The following THSD7A variants were observed in gnomAD, a reference collection of about 807,000 sequenced individuals.
THSD7A encodes the protein thrombospondin type 1 domain containing 7A.
In THSD7A, 96 loss-of-function variants were observed where a neutral mutation model predicts 231.3. That is an observed-to-expected ratio of 0.41 (90% CI 0.35 to 0.49). THSD7A has a LOEUF of 0.49. THSD7A is among the 20% of genes least tolerant of loss of function. The probability of loss-of-function intolerance (pLI) is 0.05; values close to 1 mark genes in which losing one functional copy is unlikely to be tolerated. For synonymous variants in THSD7A, 940 were observed against 743.3 expected (o/e 1.26, Z -4.30); for missense variants, 2,290 against 2,070.2 (o/e 1.11, Z -2.06).
intron 6 of THSD7A, among the ~76,000 whole-genome samples, chr7:11,524,722 T>A (rs1459566663): frequency 6.6e-6 from 1 of 152,122 alleles, no homozygotes; most frequent in East Asian, 1.9e-4. Context: ...ACCAGAATAA[T>A]GGGAACCATT....
intron 4 of THSD7A, among the ~76,000 whole-genome samples, chr7:11,563,756 C>T (rs1790177872): frequency 1.3e-5 from 2 of 152,132 alleles, no homozygotes. Flanking sequence ...AGTTCATTTT[C>T]TATATCATAA....
chr7:11,624,438 C>T (rs1781415332), intron 2 of THSD7A, among the ~76,000 whole-genome samples: 1 of 152,098 alleles, frequency 6.6e-6, no homozygotes, highest in Admixed American at 6.6e-5. Flanking sequence ...TCAAGTCATA[C>T]CAGCATCTTG....
intron 1 of THSD7A, among the ~76,000 whole-genome samples, chr7:11,781,855 C>T (rs1783641537): frequency 6.6e-6 from 1 of 152,106 alleles, no homozygotes; most frequent in Non-Finnish European, 1.5e-5. Context: ...GAAAAAAGTG[C>T]ATTTTTTTTC....
At chr7:11,524,940 G>A (rs1181631311) in intron 6 of THSD7A, among the ~76,000 whole-genome samples, 1 of 152,192 alleles carries the variant, frequency 6.6e-6, no homozygotes, top group Non-Finnish European at 1.5e-5. Context: ...ATTTTCAAAA[G>A]AAACAGCAGG....
At chr7:11,602,498 T>C (rs1455623416) in intron 2 of THSD7A, among the ~76,000 whole-genome samples, 1 of 152,218 alleles carries the variant, frequency 6.6e-6, no homozygotes, top group East Asian at 1.9e-4. Flanking sequence ...TAGGTTACTA[T>C]GGTGAATTTC....
rs1336441714 is a variant in THSD7A, at chr7:11,634,536, C to G, written c.1022+1594G>C. Among the ~76,000 whole-genome samples the G allele has an allele frequency of 2.0e-5, 3 of 151,788 alleles. No individual in the cohort carries two copies. The highest frequency in any genetic ancestry group is 7.3e-5 in the African/African-American group (3 of 41,320). Reference sequence around the variant, plus strand: ...AGAAAATCACCAGAATAAGGATAGTCAGAAAAGAACAAAATAGGAATTGAG... The same window carrying G: ...AGAAAATCACCAGAATAAGGATAGTGAGAAAAGAACAAAATAGGAATTGAG... On this transcript the variant is annotated intron_variant, in intron 2 of 27. Transcript: ENST00000423059. The surrounding 1 kb of genome is among the most constrained non-coding windows in gnomAD (Gnocchi z 4.1).
chr7:11,797,660 C>A (rs561075049), intron 1 of THSD7A, among the ~76,000 whole-genome samples: 2 of 151,908 alleles, frequency 1.3e-5, no homozygotes, highest in Admixed American at 1.3e-4. Context: ...CTTAAGCAAT[C>A]CTCCCACCTC....
intron 1 of THSD7A, among the ~76,000 whole-genome samples, chr7:11,754,888 C>T (rs753429554): frequency 2.0e-5 from 3 of 149,002 alleles, no homozygotes; most frequent in African/African-American, 7.4e-5. Context: ...GACACTGACA[C>T]CAACAACACA....
intron 2 of THSD7A, among the ~76,000 whole-genome samples, chr7:11,610,157 CACCTAAAACTGTGA>C (rs1780874210): frequency 6.6e-6 from 1 of 151,920 alleles, no homozygotes; most frequent in African/African-American, 2.4e-5. Context: ...CTCTGGAAGC[CACCTAAAACTGTGA>C]ACCTAAAACT....
chr7:11,729,561 A>T (rs1224070761), intron 1 of THSD7A, among the ~76,000 whole-genome samples: 1 of 151,860 alleles, frequency 6.6e-6, no homozygotes, highest in Non-Finnish European at 1.5e-5. Context: ...TATACTCTGT[A>T]ATAATAGTGG....
At position 11,474,718 on chromosome 7, in the gene THSD7A, A is replaced by T. The variant is rs1296382509; in HGVS notation, c.2018-150T>A. 1 of 632,028 alleles carries T rather than the reference A, an allele frequency of 1.6e-6. No homozygotes were observed. Among genetic ancestry groups the T allele is most frequent in the East Asian group, 2.8e-5 (1 of 35,728 alleles). The allele number at this position is 632,028 out of a possible 1,614,324, so 39.2% of individuals were successfully genotyped here. ...TAAATACACGCAATATTTATGTGAGATGCTTCAAGGGATACCTACAGGGGT... is the reference window on the plus strand; with the variant it reads ...TAAATACACGCAATATTTATGTGAGTTGCTTCAAGGGATACCTACAGGGGT... On this transcript the variant is annotated intron_variant, in intron 7 of 27. Transcript: ENST00000423059. The surrounding 1 kb of genome is among the most constrained non-coding windows in gnomAD (Gnocchi z 4.1).
chr7:11,554,642 T>G (rs1177441558), intron 4 of THSD7A, among the ~76,000 whole-genome samples: 1 of 152,038 alleles, frequency 6.6e-6, no homozygotes, highest in African/African-American at 2.4e-5. Context: ...AAACTGCATT[T>G]GGTCTTATAT....
intron 11 of THSD7A, among the ~76,000 whole-genome samples, chr7:11,448,509 G>T (rs957370746): frequency 6.6e-6 from 1 of 152,092 alleles, no homozygotes; most frequent in East Asian, 1.9e-4. Context: ...AACTGCCGCT[G>T]ATCTCTGCCC....
intron 1 of THSD7A, among the ~76,000 whole-genome samples, chr7:11,695,884 T>C (rs1780377612): frequency 1.3e-5 from 2 of 151,498 alleles, no homozygotes; most frequent in Non-Finnish European, 3.0e-5. Context: ...AATAAAAGAT[T>C]GAAGCGGACG....
rs576570653 is a variant in THSD7A, at chr7:11,402,093, A to G, written c.4238-125T>C. 192 of 710,710 alleles carry G rather than the reference A, an allele frequency of 2.7e-4. No individual in the cohort carries two copies. The African/African-American group carries it at 2.8e-3, about 10-fold the overall frequency. The allele number at this position is 710,710 out of a possible 1,614,324, so 44.0% of individuals were successfully genotyped here. On this transcript the variant is annotated intron_variant, in intron 22 of 27. Coordinates refer to ENST00000423059, the MANE Select transcript of THSD7A (RefSeq NM_015204.3). The stretch of plus-strand genomic sequence containing the variant: ...CCCAGGCACACATAATATTTATAAG[A>G]TTTAAATAAGCATTTAATATTTGTA...
chr7:11,527,928 G>A (rs1788546073), intron 6 of THSD7A, among the ~76,000 whole-genome samples: 1 of 152,140 alleles, frequency 6.6e-6, no homozygotes, highest in South Asian at 2.1e-4. Context: ...CCAAGTGGGA[G>A]GATTGGTTGA....
chr7:11,399,047 C>T (rs1783300394), intron 23 of THSD7A, among the ~76,000 whole-genome samples: 1 of 152,202 alleles, frequency 6.6e-6, no homozygotes, highest in African/African-American at 2.4e-5. Flanking sequence ...TGAAAACCCT[C>T]AGGCCTTCCA....
At chr7:11,817,409 C>G (rs1027542852) in intron 1 of THSD7A, among the ~76,000 whole-genome samples, 1 of 152,190 alleles carries the variant, frequency 6.6e-6, no homozygotes, top group African/African-American at 2.4e-5. Flanking sequence ...GGCAGAATGT[C>G]TCTGCATTTA....
intron 17 of THSD7A, among the ~76,000 whole-genome samples, chr7:11,414,268 T>C (rs1408358357): frequency 1.3e-5 from 2 of 152,248 alleles, no homozygotes; most frequent in Non-Finnish European, 2.9e-5. Context: ...CTGTGACCTC[T>C]GTTTCACCTT....
Sources: allele counts gnomAD v4.1 joint callset (sites outside exome capture counted in the v4.1 genomes callset), GRCh38; gene constraint gnomAD v4.1.1; non-coding constraint Gnocchi (gnomAD v3.1); transcripts MANE v1.5; gene names NCBI Gene and HGNC (gene_info 2026-07-23, HGNC 2026-07-21).